The following LUZP2 variants were observed in gnomAD, a reference collection of about 807,000 sequenced individuals.
The protein encoded by LUZP2 is leucine zipper protein 2.
LUZP2 carries 52 observed loss-of-function variants against 51.6 expected under a neutral mutation model. That is an observed-to-expected ratio of 1.01 (90% CI 0.81 to 1.27). The LOEUF (loss-of-function observed/expected upper bound fraction) is 1.27. Among genes scored for constraint, LUZP2 ranks in the 50% most tolerant of loss-of-function variants. LUZP2 has a pLI of 0.00. For synonymous variants in LUZP2, 154 were observed against 137.3 expected (o/e 1.12, Z -0.85); for missense variants, 436 against 395.4 (o/e 1.10, Z -0.87).
chr11:24,692,225 T>G (rs1203337172), intron 1 of LUZP2, among the ~76,000 whole-genome samples: 1 of 151,946 alleles, frequency 6.6e-6, no homozygotes, highest in South Asian at 2.1e-4. Context: ...AAGAAGTAAT[T>G]GTTGTTACAG....
At chr11:24,554,124 G>C (rs946140559) in intron 1 of LUZP2, among the ~76,000 whole-genome samples, 1 of 152,096 alleles carries the variant, frequency 6.6e-6, no homozygotes, top group Admixed American at 6.6e-5. Context: ...TCCCGTCTAC[G>C]GTGCTAAGAG....
At chr11:24,517,510 A>AAAAAAAAAAAC (rs1564964373) in intron 1 of LUZP2, among the ~76,000 whole-genome samples, 2 of 146,702 alleles carry the variant, frequency 1.4e-5, no homozygotes, top group Non-Finnish European at 1.5e-5. Flanking sequence ...AAAAAAAAAA[A>AAAAAAAAAAAC]AAATTGTAGG....
intron 5 of LUZP2, among the ~76,000 whole-genome samples, chr11:24,780,639 T>G (rs966902794): frequency 4.6e-5 from 7 of 152,138 alleles, no homozygotes; most frequent in African/African-American, 1.7e-4. Flanking sequence ...TACCAGTATT[T>G]ACTCTGTGAT....
intron 7 of LUZP2, among the ~76,000 whole-genome samples, chr11:24,926,261 GTATATATATACGTGTATA>G: frequency 1.9e-5 from 1 of 53,462 alleles, no homozygotes; most frequent in African/African-American, 6.0e-5. Flanking sequence ...ATACGTGTGT[GTATATATATACGTGTATA>G]TATATATACG....
At chr11:24,878,100 GTT>G (rs368516003) in intron 5 of LUZP2, among the ~76,000 whole-genome samples, 2 of 96,636 alleles carry the variant, frequency 2.1e-5, no homozygotes, top group South Asian at 3.4e-4. Context: ...AATATTCTGT[GTT>G]TTTTTTTTTT....
chr11:24,773,696 C>T (rs1332156056), intron 5 of LUZP2, among the ~76,000 whole-genome samples: 2 of 152,106 alleles, frequency 1.3e-5, no homozygotes, highest in African/African-American at 4.8e-5. Context: ...CATGCTATTA[C>T]ACATGTCTCA....
In LUZP2 at chr11:24,497,540, G is replaced by T. The variant is rs193090609; in HGVS notation, c.62+235G>T. Among the ~76,000 whole-genome samples the T allele has an allele frequency of 5.9e-4, 90 of 152,306 alleles. 2 individuals are homozygous for T. In the East Asian group the frequency reaches 0.014, roughly 23 times the overall value. On this transcript the variant is annotated intron_variant, in intron 1 of 11. Coordinates refer to ENST00000336930, the MANE Select transcript of LUZP2 (RefSeq NM_001009909.4). Reference sequence around the variant, plus strand: ...GATTGCTCTCAGTGAGGGATCAAAAGCTTTCTCTTCCGAAGGAGAGAAAAG... The same window carrying T: ...GATTGCTCTCAGTGAGGGATCAAAATCTTTCTCTTCCGAAGGAGAGAAAAG...
intron 8 of LUZP2, among the ~76,000 whole-genome samples, chr11:24,981,713 T>C (rs1423929170): frequency 6.6e-6 from 1 of 151,848 alleles, no homozygotes; most frequent in East Asian, 1.9e-4. Context: ...AGTAGAGATA[T>C]AGGCTAATCT....
chr11:25,020,244 A>G (rs1053995118), intron 9 of LUZP2, among the ~76,000 whole-genome samples: 6 of 152,120 alleles, frequency 3.9e-5, no homozygotes, highest in Non-Finnish European at 8.8e-5. Flanking sequence ...TACCACATAT[A>G]CTATTTTGTC....
chr11:24,739,865 G>A (rs937318727), intron 4 of LUZP2, among the ~76,000 whole-genome samples: 1 of 152,016 alleles, frequency 6.6e-6, no homozygotes, highest in African/African-American at 2.4e-5. Context: ...CGGGCATGTG[G>A]GTTCATTGCT....
At chr11:24,921,336 A>G (rs1854047012) in intron 7 of LUZP2, among the ~76,000 whole-genome samples, 1 of 152,140 alleles carries the variant, frequency 6.6e-6, no homozygotes, top group Non-Finnish European at 1.5e-5. Context: ...CAGGTGTGTC[A>G]TTTATGTAGC....
intron 11 of LUZP2, among the ~76,000 whole-genome samples, chr11:25,077,753 C>T (rs1229439315): frequency 1.3e-5 from 2 of 152,120 alleles, no homozygotes; most frequent in African/African-American, 4.8e-5. Flanking sequence ...GCCTCAGCCT[C>T]CCAAAGTGCT....
chr11:25,039,886 G>A (rs913975060), intron 9 of LUZP2, among the ~76,000 whole-genome samples: 16 of 152,038 alleles, frequency 1.1e-4, no homozygotes, highest in African/African-American at 3.9e-4. Context: ...AAACTCTGTA[G>A]GTCATCTTTT....
At chr11:24,713,833 C>T (rs958543065) in intron 1 of LUZP2, among the ~76,000 whole-genome samples, 3 of 147,646 alleles carry the variant, frequency 2.0e-5, no homozygotes, top group South Asian at 4.3e-4. Flanking sequence ...GAATTATAGG[C>T]GTGCAGCACC....
intron 7 of LUZP2, among the ~76,000 whole-genome samples, chr11:24,966,340 C>A (rs948159722): frequency 6.6e-6 from 1 of 151,188 alleles, no homozygotes; most frequent in Admixed American, 6.6e-5. Flanking sequence ...TGTACATTTT[C>A]TCTTGTTTAT....
chr11:24,521,368 A>AGGG (rs1564966716), intron 1 of LUZP2, among the ~76,000 whole-genome samples: 1 of 79,916 alleles, frequency 1.3e-5, no homozygotes, highest in Admixed American at 1.6e-4. Flanking sequence ...AAAAAAAAAA[A>AGGG]GGTGGGGGTG....
At chr11:25,024,053 A>G (rs1857415115) in intron 9 of LUZP2, among the ~76,000 whole-genome samples, 1 of 152,112 alleles carries the variant, frequency 6.6e-6, no homozygotes, top group Non-Finnish European at 1.5e-5. Context: ...TTTACTTCCA[A>G]CTATGTGGTC....
At chr11:24,538,281 G>A (rs10834374) in intron 1 of LUZP2, among the ~76,000 whole-genome samples, 62,607 of 151,298 alleles carry the variant, frequency 0.41, 13,518 homozygotes, top group African/African-American at 0.51. Context: ...ATGGATTTGG[G>A]CTATATCACA....
intron 9 of LUZP2, among the ~76,000 whole-genome samples, chr11:24,986,191 G>T (rs1232480874): frequency 6.6e-6 from 1 of 151,574 alleles, no homozygotes; most frequent in Non-Finnish European, 1.5e-5. Flanking sequence ...GCTTGCAAAA[G>T]TTGACTGTTA....
Sources: gnomAD v4.1 joint callset for allele counts (sites outside exome capture counted in the v4.1 genomes callset) on GRCh38, gnomAD v4.1.1 for gene constraint, MANE v1.5 for transcripts, NCBI Gene and HGNC (gene_info 2026-07-23, HGNC 2026-07-21) for gene names.